PDE3B: variants seen among roughly 807,000 people sequenced by gnomAD.
PDE3B encodes phosphodiesterase 3B, also known as cGMP-inhibited 3',5'-cyclic phosphodiesterase 3B.
Under a neutral mutation model 116.8 loss-of-function variants are expected in PDE3B, and 66 were observed. The ratio of observed to expected loss-of-function variants is 0.56; its 90% CI spans 0.46 to 0.69. The LOEUF is 0.69. PDE3B is among the 30% of genes least tolerant of loss of function. The pLI is 0.00. For synonymous variants in PDE3B, 595 were observed against 533.6 expected (o/e 1.12, Z -1.59); for missense variants, 1,384 against 1,368.1 (o/e 1.01, Z -0.18).
At chr11:14,747,157 C>T (rs559690715) in intron 1 of PDE3B, among the ~76,000 whole-genome samples, 2 of 152,280 alleles carry the variant, frequency 1.3e-5, no homozygotes, top group East Asian at 3.9e-4. Context: ...TTTTAAACAA[C>T]ACAGTCATCA....
chr11:14,828,210 A>G (rs534602350), intron 7 of PDE3B, among the ~76,000 whole-genome samples: 1 of 152,348 alleles, frequency 6.6e-6, no homozygotes, highest in South Asian at 2.1e-4. Flanking sequence ...CCAAAACTAT[A>G]AAAACTCTGG....
chr11:14,776,695 C>T (rs1857797996), intron 2 of PDE3B: 1 of 150,996 alleles, frequency 6.6e-6, no homozygotes, highest in African/African-American at 2.4e-5. Flanking sequence ...TCAGACACAC[C>T]TAAATGATTG....
chr11:14,682,406 T>C (rs755019701), intron 1 of PDE3B, among the ~76,000 whole-genome samples: 8 of 152,220 alleles, frequency 5.3e-5, no homozygotes, highest in Non-Finnish European at 7.3e-5. Context: ...AGATGTGATA[T>C]TATATTTTTT....
Position 14,831,736 on chromosome 11 carries a change from G to A in PDE3B, c.2053G>A (p.Val685Ile), listed in dbSNP as rs773026524. 1.2e-6 allele frequency: 2 copies of A among 1,606,096 alleles called. No homozygotes were observed. Among genetic ancestry groups the A allele is most frequent in the African/African-American group, 1.3e-5 (1 of 74,838 alleles). The change falls in exon 9 of 16, where the codon GTA (valine) becomes ATA (isoleucine). Residue 685 changes from valine (V) to isoleucine (I), a missense_variant. By Grantham distance (29) the Val-to-Ile change is conservative. This residue lies in a region of PDE3B where 428 missense variants were observed against 561.4 expected (regional missense o/e 0.76). Coordinates refer to ENST00000282096, the MANE Select transcript of PDE3B (RefSeq NM_000922.4). ...CTGGAATTTTCCAATTTTTGAACTT[G>A]TAGAAAAGATGGGAGAGAAATCAGG... Reference protein sequence around the residue: ...SNWNFPIFELVEKMGEKSGRI... With the variant: ...SNWNFPIFELIEKMGEKSGRI...
chr11:14,780,954 A>G (rs180980408), intron 2 of PDE3B, among the ~76,000 whole-genome samples: 3,115 of 152,268 alleles, frequency 0.02, 51 homozygotes, highest in Middle Eastern at 0.065. Context: ...AGAATCAAAT[A>G]GACGTAATGA....
the PDE3B span, chr11:14,878,386 C>A: frequency 7.8e-7 from 1 of 1,286,398 alleles, no homozygotes; most frequent in Non-Finnish European, 1.1e-6. Context: ...TTCAGGAAAT[C>A]TGGAATTTAA....
the PDE3B span, among the ~76,000 whole-genome samples, chr11:14,898,530 G>A: frequency 6.6e-6 from 1 of 151,984 alleles, no homozygotes; most frequent in Non-Finnish European, 1.5e-5. Flanking sequence ...AACATTTACA[G>A]CAACTTTATA....
chr11:14,832,700 C>A (rs553984469), intron 9 of PDE3B, 22 bp from the exon 10 acceptor site: 3 of 896,120 alleles, frequency 3.3e-6, no homozygotes, highest in East Asian at 2.7e-5. Flanking sequence ...TTAAAGTAAA[C>A]TTTATTTTAA....
rs367999246 is a variant in PDE3B at position 14,728,490 on chromosome 11, G to A, written c.979-43447G>A. On this transcript the variant is annotated intron_variant, in intron 1 of 15. Transcript: ENST00000282096. Reference sequence around the variant, plus strand: ...TTTTTAGAGTACATTTTATGTTCTAGGCAACTCAGTAATAGGGCAGTATAT... The same window carrying A: ...TTTTTAGAGTACATTTTATGTTCTAAGCAACTCAGTAATAGGGCAGTATAT... Among the ~76,000 whole-genome samples, 23 of 152,056 alleles carry A rather than the reference G, an allele frequency of 1.5e-4. 1 individual carries two copies. The highest frequency in any genetic ancestry group is 1.3e-3 in the Admixed American group (20 of 15,270).
At chr11:14,754,062 C>T (rs1053481607) in intron 1 of PDE3B, among the ~76,000 whole-genome samples, 9 of 151,796 alleles carry the variant, frequency 5.9e-5, no homozygotes, top group Admixed American at 2.0e-4. Flanking sequence ...ACAACTAAGA[C>T]TTTAGACAAA....
intron 1 of PDE3B, among the ~76,000 whole-genome samples, chr11:14,704,970 C>G (rs186927244): frequency 2.0e-5 from 3 of 151,410 alleles, no homozygotes; most frequent in African/African-American, 7.3e-5. Flanking sequence ...ATTTGAGAAA[C>G]GACTTATATA....
At chr11:14,823,410 A>G (rs546353976) in intron 7 of PDE3B, among the ~76,000 whole-genome samples, 74 of 152,330 alleles carry the variant, frequency 4.9e-4, no homozygotes, top group African/African-American at 1.6e-3. Context: ...GCAAGCTGCC[A>G]TCTTTGCTGT....
At chr11:14,778,897 C>T (rs954959363) in intron 2 of PDE3B, among the ~76,000 whole-genome samples, 1 of 152,106 alleles carries the variant, frequency 6.6e-6, no homozygotes, top group Non-Finnish European at 1.5e-5. Context: ...AATGTTCGAA[C>T]CCATCGCAAA....
intron 12 of PDE3B, among the ~76,000 whole-genome samples, chr11:14,849,174 A>G (rs1228302104): frequency 2.0e-5 from 3 of 152,254 alleles, no homozygotes; most frequent in Non-Finnish European, 4.4e-5. Context: ...GCCCTCAGAA[A>G]TAACGCTGCA....
rs1032365711 is a variant in PDE3B, at chr11:14,661,671, G to A, written c.978+16618G>A. Among the ~76,000 whole-genome samples the A allele has an allele frequency of 5.3e-5, 8 of 152,204 alleles. No homozygotes were observed. The South Asian group carries it at 1.0e-3, about 20-fold the overall frequency. On this transcript the variant is annotated intron_variant, in intron 1 of 15. Coordinates refer to ENST00000282096, the MANE Select transcript of PDE3B (RefSeq NM_000922.4). ...CAAGATTATATCCCGCACCTGGCTCGGAGGGTCCTAGCCCACGGAGTCTCA... is the reference window on the plus strand; with the variant it reads ...CAAGATTATATCCCGCACCTGGCTCAGAGGGTCCTAGCCCACGGAGTCTCA...
intron 1 of PDE3B, among the ~76,000 whole-genome samples, chr11:14,738,127 T>C (rs1215544502): frequency 2.0e-5 from 3 of 152,318 alleles, no homozygotes; most frequent in African/African-American, 7.2e-5. Flanking sequence ...CCTTTGGGTA[T>C]ATACCCAGTA....
At chr11:14,861,478 GGGA>G in intron 14 of PDE3B, 112 bp downstream of exon 14, 1 of 944,806 alleles carries the variant, frequency 1.1e-6, no homozygotes, top group South Asian at 1.6e-5. Context: ...TGCTTTGACT[GGGA>G]AGGGTTAAAA....
intron 1 of PDE3B, among the ~76,000 whole-genome samples, chr11:14,645,461 C>T (rs1853373508): frequency 6.6e-6 from 1 of 151,938 alleles, no homozygotes; most frequent in Non-Finnish European, 1.5e-5. Context: ...TGATGCCTAC[C>T]CAAAAATAAC....
At chr11:14,762,132 C>T (rs2133888397) in intron 1 of PDE3B, among the ~76,000 whole-genome samples, 1 of 151,802 alleles carries the variant, frequency 6.6e-6, no homozygotes, top group South Asian at 2.1e-4. Flanking sequence ...CATGGTGAGA[C>T]CCTGTCTCTA....
Sources: allele counts gnomAD v4.1 joint callset (sites outside exome capture counted in the v4.1 genomes callset), GRCh38; gene constraint gnomAD v4.1.1; regional missense constraint gnomAD v4.1.1; transcripts MANE v1.5; gene names NCBI Gene and HGNC (gene_info 2026-07-23, HGNC 2026-07-21).